The following SLC39A10 variants were observed in gnomAD, a reference collection of about 807,000 sequenced individuals.
SLC39A10 encodes the protein zinc transporter ZIP10.
Under a neutral mutation model 65.1 loss-of-function variants are expected in SLC39A10, and 13 were observed. The ratio of observed to expected loss-of-function variants is 0.20; its 90% CI spans 0.13 to 0.32. The LOEUF (loss-of-function observed/expected upper bound fraction) is 0.32, where lower values mean the gene tolerates loss of function less well. Ranked by LOEUF, SLC39A10 falls within the 10% of genes least tolerant of loss-of-function variation. The pLI is 1.00. For synonymous variants in SLC39A10, 321 were observed against 342.2 expected (o/e 0.94, Z 0.68); for missense variants, 831 against 1,018.4 (o/e 0.82, Z 2.50).
intron 2 of SLC39A10, among the ~76,000 whole-genome samples, chr2:195,634,715 C>T (rs567158446): frequency 3.3e-5 from 5 of 152,244 alleles, no homozygotes; most frequent in East Asian, 1.9e-4. Flanking sequence ...AGAATTCTAG[C>T]GATAGGACAG....
chr2:195,720,570 A>G (rs1691995511), intron 8 of SLC39A10, among the ~76,000 whole-genome samples: 1 of 152,210 alleles, frequency 6.6e-6, no homozygotes, highest in Admixed American at 6.5e-5. Context: ...GATTTGTAGT[A>G]TTTGCTCATT....
At chr2:195,689,679 A>C (rs1559035381) in intron 3 of SLC39A10, among the ~76,000 whole-genome samples, 1 of 152,124 alleles carries the variant, frequency 6.6e-6, no homozygotes, top group Non-Finnish European at 1.5e-5. Context: ...TTCATCTTGT[A>C]AAACCAAAGC....
intron 2 of SLC39A10, among the ~76,000 whole-genome samples, chr2:195,628,092 T>C (rs114644443): frequency 0.015 from 2,344 of 152,318 alleles, 48 homozygotes; most frequent in African/African-American, 0.054. Context: ...AAAGCATACA[T>C]TGAAACAGTA....
At position 195,716,895 on chromosome 2, in the gene SLC39A10, A is replaced by T. The variant is rs199884255; in HGVS notation, c.1955A>T (p.His652Leu). The stretch of plus-strand genomic sequence containing the variant: ...CACCACAAGCATTCTCATCATTCCC[A>T]TGGCCCCTGTCATTCTGGATCCGAT... ...QWHHKHSHHSHGPCHSGSDLK... is the reference protein window; with the variant it reads ...QWHHKHSHHSLGPCHSGSDLK... Residue 652 changes from histidine (H) to leucine (L), a missense_variant, in exon 7 of 10, where the codon CAT (histidine) becomes CTT (leucine). His to Leu is a moderately conservative substitution (Grantham distance 99). This residue lies in a region of SLC39A10 where 230 missense variants were observed against 242.9 expected (regional missense o/e 0.95). Coordinates refer to ENST00000359634, the MANE Select transcript of SLC39A10 (RefSeq NM_020342.3). 6.2e-7 allele frequency: 1 copy of T among 1,614,174 alleles called. No individual in the cohort carries two copies.
At chr2:195,681,585 A>G (rs1049452238) in intron 2 of SLC39A10, among the ~76,000 whole-genome samples, 3 of 152,290 alleles carry the variant, frequency 2.0e-5, no homozygotes, top group East Asian at 3.9e-4. Flanking sequence ...TTTGTTTCTT[A>G]TATTCTCAAA....
chr2:195,648,459 C>T (rs1439294650), intron 2 of SLC39A10, among the ~76,000 whole-genome samples: 2 of 151,906 alleles, frequency 1.3e-5, no homozygotes, highest in African/African-American at 4.8e-5. Context: ...CGGCCAATTG[C>T]TTGAGCCCAG....
At chr2:195,674,400 C>T (rs773407548) in intron 1 of SLC39A10, among the ~76,000 whole-genome samples, 1 of 152,146 alleles carries the variant, frequency 6.6e-6, no homozygotes, top group South Asian at 2.1e-4. Context: ...GCCTCACCTT[C>T]CCGAGTAGCT....
chr2:195,629,110 C>T (rs905221197), intron 2 of SLC39A10, among the ~76,000 whole-genome samples: 4 of 152,178 alleles, frequency 2.6e-5, no homozygotes, highest in East Asian at 1.9e-4. Flanking sequence ...TTATCCTTGC[C>T]GGGCACGGTG....
intron 2 of SLC39A10, among the ~76,000 whole-genome samples, chr2:195,614,406 C>T (rs375881133): frequency 2.6e-5 from 4 of 152,048 alleles, no homozygotes; most frequent in African/African-American, 9.7e-5. Flanking sequence ...TTTTGCATTC[C>T]GAGCCCTCCA....
chr2:195,634,011 A>C (rs1688648837), intron 2 of SLC39A10, among the ~76,000 whole-genome samples: 1 of 152,248 alleles, frequency 6.6e-6, no homozygotes, highest in Non-Finnish European at 1.5e-5. Context: ...GTGATATATA[A>C]AGGTTAAAGA....
intron 8 of SLC39A10, among the ~76,000 whole-genome samples, chr2:195,721,128 T>G (rs842738): frequency 6.6e-6 from 1 of 151,792 alleles, no homozygotes; most frequent in Non-Finnish European, 1.5e-5. Context: ...TTTTGATAGA[T>G]AGGGTGTTGT....
intron 8 of SLC39A10, among the ~76,000 whole-genome samples, chr2:195,720,791 T>G (rs1171340079): frequency 6.6e-6 from 1 of 152,220 alleles, no homozygotes; most frequent in African/African-American, 2.4e-5. Context: ...CTTTGTGGTG[T>G]TTTTGCTTAG....
chr2:195,662,073 A>G (rs950960344), intron 1 of SLC39A10, among the ~76,000 whole-genome samples: 1 of 152,194 alleles, frequency 6.6e-6, no homozygotes, highest in African/African-American at 2.4e-5. Context: ...TATTAATATC[A>G]TTATGTACTT....
intron 8 of SLC39A10, among the ~76,000 whole-genome samples, chr2:195,723,238 A>T (rs1228060516): frequency 1.3e-5 from 2 of 152,214 alleles, no homozygotes; most frequent in Non-Finnish European, 2.9e-5. Flanking sequence ...AATTGCCTGA[A>T]TTACTAAGTC....
chr2:195,620,222 C>G (rs1383995546), intron 2 of SLC39A10, among the ~76,000 whole-genome samples: 5 of 151,996 alleles, frequency 3.3e-5, no homozygotes, highest in African/African-American at 1.2e-4. Flanking sequence ...CCGTGCCCAG[C>G]CTGCCTCCAG....
At chr2:195,626,142 G>T (rs183721153) in intron 2 of SLC39A10, among the ~76,000 whole-genome samples, 1 of 152,134 alleles carries the variant, frequency 6.6e-6, no homozygotes, top group Admixed American at 6.5e-5. Flanking sequence ...TACATTTTCC[G>T]ATTTAAAACT....
chr2:195,706,470 G>T, intron 3 of SLC39A10, 146 bp from the exon 4 acceptor site: 1 of 691,978 alleles, frequency 1.4e-6, no homozygotes, highest in Non-Finnish European at 2.2e-6. Flanking sequence ...TTTTTGTTTT[G>T]TTTTTAAACA....
At chr2:195,658,573 A>G (rs1273029167) in intron 1 of SLC39A10, 1 of 152,236 alleles carries the variant, frequency 6.6e-6, no homozygotes, top group East Asian at 1.9e-4. Flanking sequence ...AATTGTACAT[A>G]ATTAAGAAAA....
At chr2:195,615,154 T>C (rs1220509364) in intron 2 of SLC39A10, among the ~76,000 whole-genome samples, 1 of 152,232 alleles carries the variant, frequency 6.6e-6, no homozygotes, top group Non-Finnish European at 1.5e-5. Flanking sequence ...CAGAGGAGGA[T>C]AAAGTTCTCT....
Sources: gnomAD v4.1 joint callset for allele counts (sites outside exome capture counted in the v4.1 genomes callset) on GRCh38, gnomAD v4.1.1 for gene constraint, gnomAD v4.1.1 regional missense constraint, MANE v1.5 for transcripts, NCBI Gene and HGNC (gene_info 2026-07-23, HGNC 2026-07-21) for gene names.